Variants in STK32B observed in about 807,000 individuals in gnomAD.
The protein encoded by STK32B is serine/threonine kinase 32B, also known as serine/threonine-protein kinase 32B.
In STK32B, 43 loss-of-function variants were observed where a neutral mutation model predicts 52.6. The ratio of observed to expected loss-of-function variants is 0.82; its 90% CI spans 0.64 to 1.05. The LOEUF is 1.05. Ranked by LOEUF, STK32B falls within the 50% of genes least tolerant of loss-of-function variation. STK32B has a pLI of 0.00. For synonymous variants in STK32B, 238 were observed against 204.3 expected, an observed-to-expected ratio of 1.17 and a Z score of -1.41; for missense variants, 621 against 534.6, an observed-to-expected ratio of 1.16 and a Z score of -1.59.
At chr4:5,491,572 CTT>C (rs1158296809) in intron 11 of STK32B, among the ~76,000 whole-genome samples, 1 of 151,794 alleles carries the variant, frequency 6.6e-6, no homozygotes, top group Non-Finnish European at 1.5e-5. Context: ...TGCAGAAGCT[CTT>C]TAGTTTAATG....
At chr4:5,343,367 G>A (rs1200447635) in intron 4 of STK32B, among the ~76,000 whole-genome samples, 2 of 152,050 alleles carry the variant, frequency 1.3e-5, no homozygotes, top group African/African-American at 4.8e-5. Flanking sequence ...CATTTGGGTT[G>A]GTTCACAAGT....
intron 1 of STK32B, among the ~76,000 whole-genome samples, chr4:5,097,420 T>C (rs1713464393): frequency 6.6e-6 from 1 of 152,208 alleles, no homozygotes; most frequent in Non-Finnish European, 1.5e-5. Flanking sequence ...AGAGAACACA[T>C]TAGCTTCATT....
intron 3 of STK32B, among the ~76,000 whole-genome samples, chr4:5,300,155 C>T (rs1349639292): frequency 6.6e-6 from 1 of 152,122 alleles, no homozygotes; most frequent in East Asian, 1.9e-4. Context: ...TGTGATTCAT[C>T]ACATAAACAG....
intron 3 of STK32B, among the ~76,000 whole-genome samples, chr4:5,311,457 A>C (rs1730282652): frequency 6.6e-6 from 1 of 152,150 alleles, no homozygotes; most frequent in Admixed American, 6.5e-5. Context: ...AATGAAATTG[A>C]AAATAGGAGA....
intron 6 of STK32B, among the ~76,000 whole-genome samples, chr4:5,423,400 G>A (rs1712807417): frequency 6.6e-6 from 1 of 152,098 alleles, no homozygotes; most frequent in Admixed American, 6.5e-5. Flanking sequence ...TCTGAGAAAT[G>A]GGATTAATGG....
chr4:5,137,969 G>A (rs1008376738), intron 1 of STK32B, among the ~76,000 whole-genome samples: 2 of 152,202 alleles, frequency 1.3e-5, no homozygotes, highest in African/African-American at 2.4e-5. Context: ...CCCGACAGTG[G>A]TACCTGCCCC....
chr4:5,439,600 T>G lies in STK32B; in HGVS notation c.563-7073T>G, dbSNP rs57667233. Among the ~76,000 whole-genome samples the G allele has an allele frequency of 8.3e-3, 1,253 of 151,698 alleles. 25 individuals carry two copies. Among genetic ancestry groups the G allele is most frequent in the African/African-American group, 0.027 (1,115 of 41,154 alleles). On this transcript the variant is annotated intron_variant, in intron 6 of 11. Transcript: ENST00000282908. ...TTTCTTTTGCTGTGCAGAAGCTCTT[T>G]AGTTTAATTAGATCCCATTTGTCAA... is the stretch of plus-strand genomic sequence containing the variant.
At chr4:5,194,573 T>A (rs955014071) in intron 3 of STK32B, among the ~76,000 whole-genome samples, 8 of 152,244 alleles carry the variant, frequency 5.3e-5, no homozygotes, top group Non-Finnish European at 8.8e-5. Context: ...TGCGTCGATC[T>A]TAGGAATTCT....
intron 3 of STK32B, among the ~76,000 whole-genome samples, chr4:5,209,090 C>T (rs955011197): frequency 5.3e-5 from 8 of 152,242 alleles, no homozygotes; most frequent in Admixed American, 3.9e-4. Flanking sequence ...CTGCCTCCCC[C>T]TCAGCACTTC....
chr4:5,389,609 T>A (rs1420074494), intron 4 of STK32B, among the ~76,000 whole-genome samples: 2 of 152,084 alleles, frequency 1.3e-5, no homozygotes, highest in Non-Finnish European at 2.9e-5. Context: ...AAAGGCCCTG[T>A]CTCCCAACTA....
intron 4 of STK32B, among the ~76,000 whole-genome samples, chr4:5,353,880 T>C (rs1046711564): frequency 6.6e-6 from 1 of 152,318 alleles, no homozygotes; most frequent in Admixed American, 6.5e-5. Context: ...ATCCCACTAC[T>C]GGGTGTTTAT....
intron 5 of STK32B, among the ~76,000 whole-genome samples, chr4:5,409,734 G>A (rs1711514686): frequency 6.6e-6 from 1 of 152,076 alleles, no homozygotes. Context: ...GCCCAGAAAT[G>A]TTGCATTTCT....
intron 4 of STK32B, among the ~76,000 whole-genome samples, chr4:5,357,929 T>C (rs1734291333): frequency 6.6e-6 from 1 of 152,062 alleles, no homozygotes; most frequent in Non-Finnish European, 1.5e-5. Context: ...GGTTCAGGGG[T>C]CATATCAACT....
chr4:5,443,418 C>T, intron 6 of STK32B, among the ~76,000 whole-genome samples: 1 of 152,104 alleles, frequency 6.6e-6, no homozygotes, highest in African/African-American at 2.4e-5. Context: ...CTTCTGCATT[C>T]TTCACGTAGT....
intron 4 of STK32B, among the ~76,000 whole-genome samples, chr4:5,382,987 CAG>C (rs535579610): frequency 9.9e-5 from 15 of 152,162 alleles, no homozygotes; most frequent in Admixed American, 4.6e-4. Context: ...AGGATACTCA[CAG>C]AGAGATTGGG....
rs560309359 is a variant in STK32B at position 5,284,104 on chromosome 4, G to A, written c.261-47116G>A. Reference sequence around the variant, plus strand: ...ATCAAAATTGTAAAAGAGGGAGAGGGAGTGAATGCATAAGTTTTTGTATGT... The same window carrying A: ...ATCAAAATTGTAAAAGAGGGAGAGGAAGTGAATGCATAAGTTTTTGTATGT... On this transcript the variant is annotated intron_variant, in intron 3 of 11. Coordinates refer to ENST00000282908, the MANE Select transcript of STK32B (RefSeq NM_018401.3). Among the ~76,000 whole-genome samples the A allele has an allele frequency of 5.3e-5, 8 of 152,166 alleles. No homozygotes were observed. In the South Asian group the frequency reaches 1.7e-3, roughly 32 times the overall value.
chr4:5,085,875 G>GA (rs1429194475), intron 1 of STK32B, among the ~76,000 whole-genome samples: 1 of 152,158 alleles, frequency 6.6e-6, no homozygotes, highest in Non-Finnish European at 1.5e-5. Context: ...GTACCAGAGA[G>GA]AGCAGAAGAG....
At chr4:5,219,811 G>A (rs2008242) in intron 3 of STK32B, among the ~76,000 whole-genome samples, 5 of 152,054 alleles carry the variant, frequency 3.3e-5, no homozygotes, top group East Asian at 1.9e-4. Flanking sequence ...GTCAGCATAC[G>A]TTGGCCCTCA....
chr4:5,364,170 T>G (rs1037112202), intron 4 of STK32B, among the ~76,000 whole-genome samples: 2 of 152,202 alleles, frequency 1.3e-5, no homozygotes, highest in African/African-American at 4.8e-5. Context: ...CCCCCTTAAT[T>G]CTCACTTTTC....
Sources: gnomAD v4.1 joint callset for allele counts (sites outside exome capture counted in the v4.1 genomes callset) on GRCh38, gnomAD v4.1.1 for gene constraint, MANE v1.5 for transcripts, NCBI Gene and HGNC (gene_info 2026-07-23, HGNC 2026-07-21) for gene names.